RSRC1: variants seen among roughly 807,000 people sequenced by gnomAD.
The protein encoded by RSRC1 is arginine and serine rich coiled-coil 1.
A neutral mutation model predicts 49.1 loss-of-function variants in RSRC1; 39 were observed. The ratio of observed to expected loss-of-function variants is 0.79; its 90% confidence interval spans 0.61 to 1.04. The LOEUF (loss-of-function observed/expected upper bound fraction) is 1.04. Ranked by LOEUF, RSRC1 falls within the 50% of genes least tolerant of loss-of-function variation. The pLI, the probability that RSRC1 is intolerant of heterozygous loss-of-function variation, is 0.00. For synonymous variants in RSRC1, 143 were observed against 130.8 expected, an observed-to-expected ratio of 1.09 and a Z score of -0.63; for missense variants, 388 against 402.4, an observed-to-expected ratio of 0.96 and a Z score of 0.31.
intron 6 of RSRC1, 65 bp from the exon 7 acceptor site, chr3:158,460,870 A>T (rs985500515): frequency 4.8e-6 from 5 of 1,052,160 alleles, no homozygotes; most frequent in Middle Eastern, 2.1e-4. Context: ...AGTCCCTTTA[A>T]CCAATATTTT....
At chr3:158,218,075 C>T (rs1318364749) in intron 4 of RSRC1, among the ~76,000 whole-genome samples, 2 of 151,552 alleles carry the variant, frequency 1.3e-5, no homozygotes, top group African/African-American at 4.8e-5. Context: ...GGAGGGGAAG[C>T]ACTGTCTGAG....
chr3:158,173,556 A>G (rs1439891063), intron 3 of RSRC1, among the ~76,000 whole-genome samples: 4 of 151,992 alleles, frequency 2.6e-5, no homozygotes, highest in Non-Finnish European at 5.9e-5. Flanking sequence ...GAATTGACCA[A>G]GAAAGTCAAA....
chr3:158,392,024 G>C (rs1251962888), intron 6 of RSRC1, among the ~76,000 whole-genome samples: 2 of 152,018 alleles, frequency 1.3e-5, no homozygotes, highest in Admixed American at 1.3e-4. Context: ...ATAATAATAA[G>C]ATAATATCTA....
intron 4 of RSRC1, among the ~76,000 whole-genome samples, chr3:158,258,411 C>G (rs1419457892): frequency 6.6e-6 from 1 of 151,438 alleles, no homozygotes; most frequent in Non-Finnish European, 1.5e-5. Context: ...TGTAAGGTTT[C>G]CACCAGATGT....
At chr3:158,383,431 G>T (rs1432140519) in intron 6 of RSRC1, among the ~76,000 whole-genome samples, 1 of 152,138 alleles carries the variant, frequency 6.6e-6, no homozygotes, top group Non-Finnish European at 1.5e-5. Context: ...GATGTGGGAG[G>T]CTGACTGTGC....
intron 3 of RSRC1, among the ~76,000 whole-genome samples, chr3:158,188,193 C>T (rs80137104): frequency 0.042 from 6,406 of 151,856 alleles, 440 homozygotes; most frequent in African/African-American, 0.15. Flanking sequence ...TCTTTCTCCC[C>T]CTGTGTGATA....
chr3:158,276,900 T>TC (rs1725849702), intron 4 of RSRC1, among the ~76,000 whole-genome samples: 1 of 152,096 alleles, frequency 6.6e-6, no homozygotes. Flanking sequence ...TGGCTTCCTA[T>TC]CCCCCCATTT....
At chr3:158,536,876 A>G (rs143273091) in intron 7 of RSRC1, among the ~76,000 whole-genome samples, 2 of 151,730 alleles carry the variant, frequency 1.3e-5, no homozygotes, top group East Asian at 3.9e-4. Flanking sequence ...TCATTAAGGC[A>G]GTGCCTTCTT....
intron 3 of RSRC1, among the ~76,000 whole-genome samples, chr3:158,145,089 C>T (rs1429777905): frequency 2.6e-5 from 4 of 152,130 alleles, no homozygotes; most frequent in Non-Finnish European, 5.9e-5. Flanking sequence ...GTTGCCTGTT[C>T]ACTCTGATGG....
intron 4 of RSRC1, among the ~76,000 whole-genome samples, chr3:158,208,763 C>T (rs139461679): frequency 6.6e-6 from 1 of 152,070 alleles, no homozygotes. Context: ...AAATTGGATA[C>T]AACATTATTT....
intron 4 of RSRC1, among the ~76,000 whole-genome samples, chr3:158,225,355 G>A (rs1722474253): frequency 6.6e-6 from 1 of 151,854 alleles, no homozygotes; most frequent in African/African-American, 2.4e-5. Context: ...ATTAACACCA[G>A]TATATATTAA....
At chr3:158,436,050 T>G (rs898798355) in intron 6 of RSRC1, among the ~76,000 whole-genome samples, 3 of 151,940 alleles carry the variant, frequency 2.0e-5, no homozygotes, top group Admixed American at 1.3e-4. Flanking sequence ...ATTAAATCTT[T>G]AATGTATTAA....
At position 158,339,849 on chromosome 3, in the gene RSRC1, T is replaced by C. The variant is rs936910225; in HGVS notation, c.532-15008T>C. ...TGAAAATGATAAGTGTGCTGATACA[T>C]GTTTCCCCAGGGCATTACAGGAAGA... On this transcript the variant is annotated intron_variant, in intron 5 of 9. Coordinates refer to ENST00000611884, the MANE Select transcript of RSRC1 (RefSeq NM_001271838.2). Among the ~76,000 whole-genome samples, 3 of 152,290 alleles carry C rather than the reference T, an allele frequency of 2.0e-5. No individual in the cohort carries two copies. The South Asian group carries it at 6.2e-4, about 32-fold the overall frequency.
At chr3:158,528,055 A>G (rs1712153894) in intron 7 of RSRC1, among the ~76,000 whole-genome samples, 1 of 151,834 alleles carries the variant, frequency 6.6e-6, no homozygotes, top group Non-Finnish European at 1.5e-5. Context: ...ATTTACATAG[A>G]GGCATTAAAA....
At chr3:158,220,109 A>G (rs1722149853) in intron 4 of RSRC1, among the ~76,000 whole-genome samples, 1 of 151,630 alleles carries the variant, frequency 6.6e-6, no homozygotes, top group South Asian at 2.1e-4. Context: ...GCCATGATAA[A>G]CATTACTACT....
intron 6 of RSRC1, among the ~76,000 whole-genome samples, chr3:158,398,249 T>A (rs1733710770): frequency 6.6e-6 from 1 of 152,070 alleles, no homozygotes; most frequent in African/African-American, 2.4e-5. Flanking sequence ...ACTGGGTAAT[T>A]TCTAAAGAAC....
At position 158,110,198 on chromosome 3, in the gene RSRC1, G is replaced by C. The variant is rs549467347; in HGVS notation, c.-28G>C. 1 of 152,444 alleles carries C rather than the reference G, an allele frequency of 6.6e-6. No homozygotes were observed. The highest frequency in any genetic ancestry group is 2.1e-4 in the South Asian group (1 of 4,832). The allele number at this position is 152,444 out of a possible 1,614,324, so 9.4% of individuals were successfully genotyped here. A position where few individuals can be genotyped will look rare whatever the true frequency, so the allele number is the denominator to read the frequency against. On this transcript the variant is annotated 5_prime_UTR_variant, in exon 1 of 10. Transcript: ENST00000611884. Reference sequence around the variant, plus strand: ...TGCGGCGCTTGCACGTCAACGGGAGGTGTGAGCCCAAAGGTCTGGACCCAG... The same window carrying C: ...TGCGGCGCTTGCACGTCAACGGGAGCTGTGAGCCCAAAGGTCTGGACCCAG...
chr3:158,540,720 T>C (rs1030807813), intron 8 of RSRC1, among the ~76,000 whole-genome samples: 1 of 152,188 alleles, frequency 6.6e-6, no homozygotes, highest in Non-Finnish European at 1.5e-5. Context: ...TTGTTCTTCC[T>C]GATTTTCCTT....
intron 6 of RSRC1, among the ~76,000 whole-genome samples, chr3:158,460,560 G>A (rs1212707755): frequency 1.3e-5 from 2 of 151,826 alleles, no homozygotes; most frequent in African/African-American, 4.8e-5. Flanking sequence ...TACATTTAAA[G>A]TGCGAACTGT....
Sources: gnomAD v4.1 joint callset for allele counts (sites outside exome capture counted in the v4.1 genomes callset) on GRCh38, gnomAD v4.1.1 for gene constraint, MANE v1.5 for transcripts, NCBI Gene and HGNC (gene_info 2026-07-23, HGNC 2026-07-21) for gene names.